AGAP1: variants seen among roughly 807,000 people sequenced by gnomAD.
The protein encoded by AGAP1 is arf-GAP with GTPase, ANK repeat and PH domain-containing protein 1.
AGAP1 carries 29 observed loss-of-function variants against 105.3 expected under a neutral mutation model. That is an observed-to-expected ratio of 0.28 (90% CI 0.21 to 0.38). The LOEUF is 0.38. Ranked by LOEUF, AGAP1 falls within the 10% of genes least tolerant of loss-of-function variation. AGAP1 has a pLI of 1.00. For missense variants in AGAP1, 998 were observed against 1,165.1 expected (o/e 0.86, Z 2.09); for synonymous variants, 509 against 485.9 (o/e 1.05, Z -0.63).
At position 236,082,738 on chromosome 2, in the gene AGAP1, G is replaced by A. The variant is rs1209384223; in HGVS notation, c.2114+33457G>A. Among the ~76,000 whole-genome samples, 2 of 152,082 alleles carry A rather than the reference G, an allele frequency of 1.3e-5. No homozygotes were observed. The highest frequency in any genetic ancestry group is 4.8e-5 in the African/African-American group (2 of 41,410). The stretch of plus-strand genomic sequence containing the variant: ...AAAATACAAAAATTAGCCTGGCGCG[G>A]TGGCAGGCACCTATGATCCCAGCTA... On this transcript the variant is annotated intron_variant, in intron 16 of 17. Coordinates refer to ENST00000304032, the MANE Select transcript of AGAP1 (RefSeq NM_001037131.3). The surrounding 1 kb of genome is among the most constrained non-coding windows in gnomAD (Gnocchi z 4.2).
Position 235,919,798 on chromosome 2 carries a change from C to G in AGAP1, c.1324+10892C>G, listed in dbSNP as rs938159657. On this transcript the variant is annotated intron_variant, in intron 11 of 17. Coordinates refer to ENST00000304032, the MANE Select transcript of AGAP1 (RefSeq NM_001037131.3). The surrounding 1 kb of genome is among the most constrained non-coding windows in gnomAD (Gnocchi z 4.1). ...CCGTTATTCATGGCAAAGGAAGACA[C>G]CAAACAAAGAAAAATTCTTTTCTTC... 2.0e-5 allele frequency among the ~76,000 whole-genome samples: 3 copies of G among 152,112 alleles called. No individual in the cohort carries two copies. Among genetic ancestry groups the G allele is most frequent in the Non-Finnish European group, 4.4e-5 (3 of 68,018 alleles).
chr2:235,892,621 T>A (rs2124924034), intron 10 of AGAP1, among the ~76,000 whole-genome samples: 1 of 152,088 alleles, frequency 6.6e-6, no homozygotes, highest in South Asian at 2.1e-4. Context: ...TAGCAGCTCG[T>A]GGCTGTGCTC....
At position 235,566,634 on chromosome 2, in the gene AGAP1, C is replaced by T; in HGVS notation, c.163+71785C>T. The stretch of plus-strand genomic sequence containing the variant: ...TGCCTCTCTTATTTATGTTGTATGC[C>T]TGACACCTTCCTCATGCCGCAGGAC... On this transcript the variant is annotated intron_variant, in intron 1 of 17. Transcript: ENST00000304032. This position sits in a 1 kb window ranked among gnomAD's most constrained non-coding sequence, Gnocchi z 5.2. The T allele has an allele frequency of 1.0e-6, 1 of 980,820 alleles. No homozygotes were observed. The highest frequency in any genetic ancestry group is 1.2e-6 in the Non-Finnish European group (1 of 825,776). The allele number at this position is 980,820 out of a possible 1,614,324, so 60.8% of individuals were successfully genotyped here.
chr2:235,711,877 C>T lies in AGAP1; in HGVS notation c.222+2640C>T, dbSNP rs564525750. 1.5e-3 allele frequency among the ~76,000 whole-genome samples: 224 copies of T among 152,290 alleles called. 1 individual carries two copies. Among genetic ancestry groups the T allele is most frequent in the African/African-American group, 4.7e-3 (196 of 41,564 alleles). The stretch of plus-strand genomic sequence containing the variant: ...AGGAACCCAGCCCCTGCTTCACAAA[C>T]GCAGCAGTGACATGATGTCATGGCA... On this transcript the variant is annotated intron_variant, in intron 2 of 17. Transcript: ENST00000304032.
chr2:235,589,186 A>ATTTTTTTTTTTTT (rs1559270688), intron 1 of AGAP1, among the ~76,000 whole-genome samples: 1 of 35,086 alleles, frequency 2.9e-5, no homozygotes. Context: ...TTAATAGCTT[A>ATTTTTTTTTTTTT]TTGTTTTGTT....
intron 1 of AGAP1, among the ~76,000 whole-genome samples, chr2:235,503,385 T>A (rs1036231843): frequency 1.3e-5 from 2 of 152,138 alleles, no homozygotes; most frequent in Non-Finnish European, 2.9e-5. Flanking sequence ...CTGCTCCTGT[T>A]CTGACGAGAC....
intron 1 of AGAP1, among the ~76,000 whole-genome samples, chr2:235,682,819 T>TGTGTGTGTGTGTGTGTGTGTGTGTG (rs1559345184): frequency 6.6e-6 from 1 of 151,538 alleles, no homozygotes; most frequent in African/African-American, 2.4e-5. Flanking sequence ...TGTGTGTGTG[T>TGTGTGTGTGTGTGTGTGTGTGTGTG]TTTCAGGCAG....
intron 3 of AGAP1, among the ~76,000 whole-genome samples, chr2:235,738,864 G>A (rs967902358): frequency 1.3e-5 from 2 of 152,038 alleles, no homozygotes; most frequent in Admixed American, 1.3e-4. Flanking sequence ...AGCCTTAAAT[G>A]TTATTTTTCT....
chr2:235,618,113 C>T (rs965786799), intron 1 of AGAP1, among the ~76,000 whole-genome samples: 2 of 152,038 alleles, frequency 1.3e-5, no homozygotes, highest in East Asian at 1.9e-4. Flanking sequence ...GGGATGTGCT[C>T]GGTCTTGGGC....
rs1018642255 is a variant in AGAP1 at position 235,882,423 on chromosome 2, T to C, written c.1051-922T>C. ...TTTGGTCGGCAGGGTGTTCTTCTCC[T>C]GCGTCTCCGTTTTCTTCAGCTTGGC... On this transcript the variant is annotated intron_variant, in intron 9 of 17. Coordinates refer to ENST00000304032, the MANE Select transcript of AGAP1 (RefSeq NM_001037131.3). The surrounding 1 kb of genome is among the most constrained non-coding windows in gnomAD (Gnocchi z 4.6). 6.3e-7 allele frequency: 1 copy of C among 1,585,154 alleles called. No homozygotes were observed. Among genetic ancestry groups the C allele is most frequent in the Non-Finnish European group, 8.6e-7 (1 of 1,157,338 alleles).
Position 235,937,664 on chromosome 2 carries a change from C to T in AGAP1, c.1483+6741C>T, listed in dbSNP as rs146649460. 1.0e-2 allele frequency among the ~76,000 whole-genome samples: 1,516 copies of T among 152,312 alleles called. 24 individuals carry two copies. The highest frequency in any genetic ancestry group is 0.034 in the African/African-American group (1,420 of 41,558). ...GACCTCTTGGCCCTCTGGCCCTCGG[C>T]GTGTCTTCACCTATTCCAGGGGCTC... is the stretch of plus-strand genomic sequence containing the variant. On this transcript the variant is annotated intron_variant, in intron 12 of 17. Coordinates refer to ENST00000304032, the MANE Select transcript of AGAP1 (RefSeq NM_001037131.3).
chr2:235,618,552 T>G (rs1424283350), intron 1 of AGAP1, among the ~76,000 whole-genome samples: 1 of 152,196 alleles, frequency 6.6e-6, no homozygotes, highest in Non-Finnish European at 1.5e-5. Flanking sequence ...AGCTTCAAGT[T>G]AAGGATTTAT....
chr2:235,814,420 C>T (rs1345372901), intron 9 of AGAP1, among the ~76,000 whole-genome samples: 2 of 152,310 alleles, frequency 1.3e-5, no homozygotes, highest in East Asian at 1.9e-4. Context: ...TTAATGTTGC[C>T]AGAACTTGTT....
In AGAP1 at chr2:235,535,130, G is replaced by T. The variant is rs547449606; in HGVS notation, c.163+40281G>T. Among the ~76,000 whole-genome samples the T allele has an allele frequency of 6.6e-6, 1 of 152,098 alleles. No homozygotes were observed. Among genetic ancestry groups the T allele is most frequent in the Non-Finnish European group, 1.5e-5 (1 of 68,010 alleles). On this transcript the variant is annotated intron_variant, in intron 1 of 17. Coordinates refer to ENST00000304032, the MANE Select transcript of AGAP1 (RefSeq NM_001037131.3). The surrounding 1 kb of genome is among the most constrained non-coding windows in gnomAD (Gnocchi z 5.1). ...TTCTCGCCAGGGCCAATACTTATCCGCAGGGGTGTGTGCCAGGCAGCCCAG... is the reference window on the plus strand; with the variant it reads ...TTCTCGCCAGGGCCAATACTTATCCTCAGGGGTGTGTGCCAGGCAGCCCAG...
At position 235,792,979 on chromosome 2, in the gene AGAP1, C is replaced by T. The variant is rs1037647733; in HGVS notation, c.674-4780C>T. 2.6e-5 allele frequency among the ~76,000 whole-genome samples: 4 copies of T among 152,050 alleles called. No homozygotes were observed. The highest frequency in any genetic ancestry group is 6.6e-5 in the Admixed American group (1 of 15,260). On this transcript the variant is annotated intron_variant, in intron 6 of 17. Coordinates refer to ENST00000304032, the MANE Select transcript of AGAP1 (RefSeq NM_001037131.3). The surrounding 1 kb of genome is among the most constrained non-coding windows in gnomAD (Gnocchi z 5.3). ...ACCAGGAGGATGCCAGGGAAGCACC[C>T]GCACTTCAGGAGCCAGCAAGGGAGG... is the stretch of plus-strand genomic sequence containing the variant.
intron 13 of AGAP1, among the ~76,000 whole-genome samples, chr2:236,031,103 A>T (rs2057208712): frequency 2.0e-5 from 3 of 152,246 alleles, no homozygotes; most frequent in African/African-American, 7.2e-5. Flanking sequence ...AAACATCCAC[A>T]GGCATTTTAA....
intron 1 of AGAP1, among the ~76,000 whole-genome samples, chr2:235,646,741 C>G (rs1947400178): frequency 1.3e-5 from 2 of 152,210 alleles, no homozygotes; most frequent in African/African-American, 4.8e-5. Flanking sequence ...GGTGCTTGGG[C>G]CACCCTTAGG....
Position 236,120,063 on chromosome 2 carries a change from C to A in AGAP1, c.2115-129C>A. Reference sequence around the variant, plus strand: ...AACGTTTCCCCCAGGGGGCTTTGTGCCGAGTGAAGACCTTTGCTTTCTGTT... The same window carrying A: ...AACGTTTCCCCCAGGGGGCTTTGTGACGAGTGAAGACCTTTGCTTTCTGTT... On this transcript the variant is annotated intron_variant, in intron 16 of 17. Coordinates refer to ENST00000304032, the MANE Select transcript of AGAP1 (RefSeq NM_001037131.3). The surrounding 1 kb of genome is among the most constrained non-coding windows in gnomAD (Gnocchi z 6.0). 2 of 1,328,568 alleles carry A rather than the reference C, an allele frequency of 1.5e-6. No homozygotes were observed. Among genetic ancestry groups the A allele is most frequent in the Non-Finnish European group, 2.1e-6 (2 of 972,242 alleles). The allele number at this position is 1,328,568 out of a possible 1,614,324, so 82.3% of individuals were successfully genotyped here. A position where few individuals can be genotyped will look rare whatever the true frequency, so the allele number is the denominator to read the frequency against.
chr2:235,686,297 T>G (rs571335348), intron 1 of AGAP1, among the ~76,000 whole-genome samples: 1 of 152,064 alleles, frequency 6.6e-6, no homozygotes, highest in Admixed American at 6.5e-5. Flanking sequence ...GCGATAGGAA[T>G]GAACACTTTG....
Sources: gnomAD v4.1 joint callset for allele counts (sites outside exome capture counted in the v4.1 genomes callset) on GRCh38, gnomAD v4.1.1 for gene constraint, Gnocchi (gnomAD v3.1) non-coding constraint, MANE v1.5 for transcripts, NCBI Gene and HGNC (gene_info 2026-07-23, HGNC 2026-07-21) for gene names.